The following MKLN1 variants were observed in gnomAD, a reference collection of about 807,000 sequenced individuals.
MKLN1 encodes muskelin.
A neutral mutation model predicts 99.0 loss-of-function variants in MKLN1; 18 were observed. The ratio of observed to expected loss-of-function variants is 0.18; its 90% CI spans 0.13 to 0.27. MKLN1 has a LOEUF of 0.27. Ranked by LOEUF, MKLN1 falls within the 10% of genes least tolerant of loss-of-function variation. The pLI, the probability that MKLN1 is intolerant of heterozygous loss-of-function variation, is 1.00. For missense variants in MKLN1, 621 were observed against 875.9 expected, an observed-to-expected ratio of 0.71 and a Z score of 3.67; for synonymous variants, 288 against 293.2, an observed-to-expected ratio of 0.98 and a Z score of 0.18.
chr7:131,347,970 G>A (rs1799613390), intron 1 of MKLN1, among the ~76,000 whole-genome samples: 1 of 152,162 alleles, frequency 6.6e-6, no homozygotes, highest in African/African-American at 2.4e-5. Flanking sequence ...CTAATGGTTT[G>A]TGACCTGATG....
At chr7:131,140,676 G>T (rs1380939269) in intron 1 of MKLN1, among the ~76,000 whole-genome samples, 5 of 152,224 alleles carry the variant, frequency 3.3e-5, no homozygotes, top group African/African-American at 1.2e-4. Context: ...TTCTTATACG[G>T]CCTGCAGAAC....
At chr7:131,397,564 C>G (rs1488369029) in intron 5 of MKLN1, among the ~76,000 whole-genome samples, 188 bp downstream of exon 5, 1 of 152,160 alleles carries the variant, frequency 6.6e-6, no homozygotes, top group East Asian at 1.9e-4. Context: ...CATTATCACT[C>G]TATGAGACAG....
chr7:131,469,004 A>G (rs1796742583), intron 15 of MKLN1, among the ~76,000 whole-genome samples: 1 of 152,164 alleles, frequency 6.6e-6, no homozygotes, highest in Admixed American at 6.5e-5. Context: ...TGTTTAGGAT[A>G]CTGGAACAAT....
At chr7:131,197,040 C>T (rs1796657380) in intron 2 of MKLN1, among the ~76,000 whole-genome samples, 1 of 152,160 alleles carries the variant, frequency 6.6e-6, no homozygotes, top group African/African-American at 2.4e-5. Flanking sequence ...TTTCCACACG[C>T]CCCATCCTCC....
intron 2 of MKLN1, among the ~76,000 whole-genome samples, chr7:131,158,935 G>A (rs770760090): frequency 3.3e-5 from 5 of 152,116 alleles, no homozygotes; most frequent in Non-Finnish European, 7.3e-5. Flanking sequence ...AGGGGTTGAT[G>A]GGCTACAAGC....
At chr7:131,140,059 G>A (rs763513691) in intron 1 of MKLN1, among the ~76,000 whole-genome samples, 3 of 152,166 alleles carry the variant, frequency 2.0e-5, no homozygotes, top group Non-Finnish European at 2.9e-5. Flanking sequence ...TGAAACAGGT[G>A]TCTGCATCCA....
chr7:131,414,737 A>G (rs568438645), intron 8 of MKLN1, 27 bp downstream of exon 8: 1 of 1,489,132 alleles, frequency 6.7e-7, no homozygotes, highest in South Asian at 1.2e-5. Context: ...GTGGAAAGCA[A>G]AATCTTCATT....
chr7:131,297,159 A>G (rs1219262637), intron 3 of MKLN1, among the ~76,000 whole-genome samples: 1 of 152,114 alleles, frequency 6.6e-6, no homozygotes, highest in East Asian at 1.9e-4. Context: ...CAGGAGATTG[A>G]GAACAGCCTA....
At chr7:131,444,286 T>G (rs897121683) in intron 11 of MKLN1, among the ~76,000 whole-genome samples, 1 of 151,532 alleles carries the variant, frequency 6.6e-6, no homozygotes, top group Non-Finnish European at 1.5e-5. Context: ...CCCGGCTAAT[T>G]TTTTGTATTT....
At chr7:131,287,564 C>T (rs1798151467) in intron 3 of MKLN1, among the ~76,000 whole-genome samples, 1 of 152,026 alleles carries the variant, frequency 6.6e-6, no homozygotes, top group African/African-American at 2.4e-5. Flanking sequence ...GTCCTCCTCT[C>T]AGGATAAGGT....
At chr7:131,285,534 A>G (rs774549904) in intron 3 of MKLN1, among the ~76,000 whole-genome samples, 3 of 152,256 alleles carry the variant, frequency 2.0e-5, no homozygotes, top group Admixed American at 1.3e-4. Flanking sequence ...CCGAAAGTCA[A>G]CTTCTATTTT....
At chr7:131,140,315 G>A (rs767105420) in intron 1 of MKLN1, among the ~76,000 whole-genome samples, 6 of 152,010 alleles carry the variant, frequency 3.9e-5, no homozygotes, top group Middle Eastern at 3.4e-3. Flanking sequence ...ACACCTTCTC[G>A]CTCTTTTTTT....
At position 131,365,810 on chromosome 7, in the gene MKLN1, T is replaced by G. The variant is rs577386092; in HGVS notation, c.99-9614T>G. 9.3e-5 allele frequency among the ~76,000 whole-genome samples: 14 copies of G among 151,348 alleles called. No homozygotes were observed. In the South Asian group the frequency reaches 1.3e-3, roughly 14 times the overall value. On this transcript the variant is annotated intron_variant, in intron 1 of 17. Coordinates refer to ENST00000352689, the MANE Select transcript of MKLN1 (RefSeq NM_013255.5). ...GTCTGTCTCTTAAATTTTATGTGTG[T>G]TTTTTTTTATGTTTAAAAAATACTT...
intron 2 of MKLN1, chr7:131,142,994 T>A (rs998565409): frequency 9.1e-6 from 11 of 1,205,612 alleles, no homozygotes; most frequent in Non-Finnish European, 1.2e-5. Flanking sequence ...AAAAGTACTG[T>A]ACCTATATAG....
At chr7:131,335,868 T>C (rs1799235299) in intron 1 of MKLN1, among the ~76,000 whole-genome samples, 1 of 152,076 alleles carries the variant, frequency 6.6e-6, no homozygotes, top group Non-Finnish European at 1.5e-5. Flanking sequence ...TAAATGTTTA[T>C]GTACCCTTGA....
intron 1 of MKLN1, among the ~76,000 whole-genome samples, chr7:131,330,345 A>T: frequency 6.6e-6 from 1 of 152,218 alleles, no homozygotes; most frequent in East Asian, 1.9e-4. Context: ...AGATCTAAGC[A>T]TTTCGAGGTG....
At chr7:131,161,638 G>A (rs992769769) in intron 2 of MKLN1, among the ~76,000 whole-genome samples, 1 of 151,988 alleles carries the variant, frequency 6.6e-6, no homozygotes, top group African/African-American at 2.4e-5. Flanking sequence ...TGCAAGCTCC[G>A]CCTTCCGGGT....
At chr7:131,172,032 T>C (rs1202737617) in intron 2 of MKLN1, among the ~76,000 whole-genome samples, 1 of 152,206 alleles carries the variant, frequency 6.6e-6, no homozygotes, top group Non-Finnish European at 1.5e-5. Context: ...GAAGACCTAG[T>C]GTGAGCCTTT....
At chr7:131,419,696 A>G (rs1445393571) in intron 8 of MKLN1, among the ~76,000 whole-genome samples, 6 of 152,196 alleles carry the variant, frequency 3.9e-5, no homozygotes, top group Admixed American at 6.5e-5. Context: ...CCACCTTTCT[A>G]CTACTCTTGG....
Sources: gnomAD v4.1 joint callset for allele counts (sites outside exome capture counted in the v4.1 genomes callset) on GRCh38, gnomAD v4.1.1 for gene constraint, MANE v1.5 for transcripts, NCBI Gene and HGNC (gene_info 2026-07-23, HGNC 2026-07-21) for gene names.